Variants in SLIT2 observed in about 807,000 individuals in gnomAD.
The protein encoded by SLIT2 is slit homolog 2 protein.
In SLIT2, 41 loss-of-function variants were observed where a neutral mutation model predicts 185.7. That is an observed-to-expected ratio of 0.22 (90% confidence interval 0.17 to 0.29). SLIT2 has a LOEUF of 0.29. SLIT2 is among the 10% of genes least tolerant of loss of function. SLIT2 has a pLI of 1.00. For missense variants in SLIT2, 1,571 were observed against 1,909.0 expected (o/e 0.82, Z 3.30); for synonymous variants, 693 against 680.2 (o/e 1.02, Z -0.29).
intron 4 of SLIT2, among the ~76,000 whole-genome samples, chr4:20,418,448 C>A (rs183112525): frequency 6.6e-6 from 1 of 152,124 alleles, no homozygotes; most frequent in African/African-American, 2.4e-5. Flanking sequence ...AGTAATGAAA[C>A]GTTTTTGTAT....
chr4:20,473,467 T>C (rs1028038772), intron 5 of SLIT2, among the ~76,000 whole-genome samples: 2 of 151,986 alleles, frequency 1.3e-5, no homozygotes, highest in African/African-American at 2.4e-5. Context: ...AGGAAGGAAG[T>C]CACCCAATTT....
At chr4:20,446,737 CA>C (rs1711845370) in intron 4 of SLIT2, among the ~76,000 whole-genome samples, 1 of 152,154 alleles carries the variant, frequency 6.6e-6, no homozygotes, top group Admixed American at 6.5e-5. Context: ...CAGAATATTG[CA>C]ATCCTGAGTT....
intron 4 of SLIT2, among the ~76,000 whole-genome samples, chr4:20,324,393 T>C (rs1164972142): frequency 6.7e-6 from 1 of 149,098 alleles, no homozygotes; most frequent in African/African-American, 2.5e-5. Context: ...GCCATTTCCC[T>C]GCTCTCTTTG....
intron 4 of SLIT2, among the ~76,000 whole-genome samples, chr4:20,373,284 A>C (rs1294361950): frequency 2.6e-5 from 4 of 152,136 alleles, no homozygotes; most frequent in Non-Finnish European, 5.9e-5. Context: ...ATAGTAGATC[A>C]ATTTCTCCGC....
At chr4:20,482,082 C>CAA (rs1216185836) in intron 6 of SLIT2, among the ~76,000 whole-genome samples, 9 of 151,942 alleles carry the variant, frequency 5.9e-5, no homozygotes, top group Non-Finnish European at 1.3e-4. Flanking sequence ...GATGGTATCT[C>CAA]AGAGTCAGAA....
chr4:20,339,432 AC>A (rs1720781605), intron 4 of SLIT2, among the ~76,000 whole-genome samples: 1 of 152,202 alleles, frequency 6.6e-6, no homozygotes, highest in South Asian at 2.1e-4. Context: ...AGGCACAGCA[AC>A]AAGAATTTCA....
chr4:20,265,472 T>C (rs1001209915), intron 3 of SLIT2, among the ~76,000 whole-genome samples: 3 of 152,074 alleles, frequency 2.0e-5, no homozygotes, highest in African/African-American at 7.2e-5. Context: ...TATACTGTTT[T>C]GTTGTATCCA....
chr4:20,549,672 T>G (rs1368970651), intron 24 of SLIT2, among the ~76,000 whole-genome samples: 1 of 151,874 alleles, frequency 6.6e-6, no homozygotes, highest in Non-Finnish European at 1.5e-5. Flanking sequence ...ATAGGATCTG[T>G]TTTTGTTCTG....
chr4:20,460,924 G>C (rs1172523389), intron 4 of SLIT2, among the ~76,000 whole-genome samples: 8 of 152,106 alleles, frequency 5.3e-5, no homozygotes, highest in Non-Finnish European at 1.0e-4. Flanking sequence ...AAATAATTCT[G>C]CAATAATTTT....
chr4:20,560,114 A>G (rs1334431890), intron 26 of SLIT2, among the ~76,000 whole-genome samples: 1 of 151,874 alleles, frequency 6.6e-6, no homozygotes, highest in Non-Finnish European at 1.5e-5. Flanking sequence ...TTTTAACTTA[A>G]CTTTCCCTCT....
chr4:20,613,724 A>G (rs1414664963), intron 34 of SLIT2, among the ~76,000 whole-genome samples: 1 of 152,104 alleles, frequency 6.6e-6, no homozygotes, highest in Non-Finnish European at 1.5e-5. Flanking sequence ...AAAAAACAAA[A>G]AAAACCAGGG....
At position 20,494,545 on chromosome 4, in the gene SLIT2, G is replaced by A. The variant is rs1216175009; in HGVS notation, c.914+2646G>A. Among the ~76,000 whole-genome samples the A allele has an allele frequency of 2.6e-5, 4 of 152,116 alleles. No individual in the cohort carries two copies. In the East Asian group the frequency reaches 5.8e-4, roughly 22 times the overall value. The stretch of plus-strand genomic sequence containing the variant: ...TAATCCCAGCACTTTGGGAGGCCGA[G>A]GCAGGCAGATCATGAGGTCAGGAGA... On this transcript the variant is annotated intron_variant, in intron 9 of 36. Transcript: ENST00000504154.
At position 20,488,912 on chromosome 4, in the gene SLIT2, G is replaced by T; in HGVS notation, c.705G>T (p.Gln235His). 1 of 1,612,488 alleles carries T rather than the reference G, an allele frequency of 6.2e-7. No individual in the cohort carries two copies. Among genetic ancestry groups the T allele is most frequent in the Non-Finnish European group, 8.5e-7 (1 of 1,178,784 alleles). The change falls in exon 8 of 37, where the codon CAG becomes CAT. Residue 235 changes from glutamine to histidine, a missense_variant. Physicochemically the swap from Gln to His is conservative, Grantham distance 24. Coordinates refer to ENST00000504154, the MANE Select transcript of SLIT2 (RefSeq NM_004787.4). ...RQRPRVGLYT[Q>H]CMGPSHLRGH... ...GGCCTCGGGTTGGTCTGTACACTCA[G>T]TGTATGGGCCCCTCCCACCTGAGAG...
At chr4:20,581,074 A>G (rs1189214859) in intron 29 of SLIT2, among the ~76,000 whole-genome samples, 2 of 152,214 alleles carry the variant, frequency 1.3e-5, no homozygotes, top group Non-Finnish European at 2.9e-5. Context: ...GCCATAACAA[A>G]TTACTGCAAA....
chr4:20,558,851 A>G (rs981580424), intron 26 of SLIT2, among the ~76,000 whole-genome samples: 13 of 152,086 alleles, frequency 8.5e-5, no homozygotes, highest in African/African-American at 2.7e-4. Context: ...CACTAGTTAC[A>G]TAGGATTATA....
intron 4 of SLIT2, among the ~76,000 whole-genome samples, chr4:20,269,779 T>A (rs1335203541): frequency 6.6e-6 from 1 of 151,978 alleles, no homozygotes; most frequent in Non-Finnish European, 1.5e-5. Flanking sequence ...AGTTCCTTTT[T>A]CTGAACTTGT....
intron 4 of SLIT2, among the ~76,000 whole-genome samples, chr4:20,307,521 AAGT>A (rs1717697082): frequency 1.3e-5 from 2 of 151,970 alleles, no homozygotes; most frequent in South Asian, 4.1e-4. Context: ...TGGCCTGCTA[AAGT>A]ATTGGGATTA....
At chr4:20,458,935 G>C (rs1163752205) in intron 4 of SLIT2, among the ~76,000 whole-genome samples, 2 of 152,182 alleles carry the variant, frequency 1.3e-5, no homozygotes, top group African/African-American at 4.8e-5. Context: ...TATTTTATCA[G>C]TTGTAAATTG....
chr4:20,312,735 T>C (rs1252265794), intron 4 of SLIT2, among the ~76,000 whole-genome samples: 1 of 145,570 alleles, frequency 6.9e-6, no homozygotes, highest in Admixed American at 7.0e-5. Context: ...ATTGTGCCAT[T>C]GCATTTCAGC....
Sources: allele counts gnomAD v4.1 joint callset (sites outside exome capture counted in the v4.1 genomes callset), GRCh38; gene constraint gnomAD v4.1.1; transcripts MANE v1.5; gene names NCBI Gene and HGNC (gene_info 2026-07-23, HGNC 2026-07-21).